SPAG16: variants seen among roughly 807,000 people sequenced by gnomAD.
SPAG16 encodes the protein sperm associated antigen 16.
SPAG16 carries 86 observed loss-of-function variants against 80.4 expected under a neutral mutation model. That is an observed-to-expected ratio of 1.07 (90% CI 0.90 to 1.28). SPAG16 has a LOEUF of 1.28. Ranked by LOEUF, SPAG16 falls within the 50% of genes most tolerant of loss-of-function variation. SPAG16 has a pLI of 0.00. For synonymous variants in SPAG16, 294 were observed against 265.9 expected (o/e 1.11, Z -1.03); for missense variants, 870 against 765.3 (o/e 1.14, Z -1.61).
intron 5 of SPAG16, among the ~76,000 whole-genome samples, chr2:213,339,621 A>C (rs2064566931): frequency 2.6e-5 from 4 of 152,174 alleles, no homozygotes; most frequent in Admixed American, 2.0e-4. Flanking sequence ...CAAGCTATGA[A>C]TTATGTAGTA....
intron 11 of SPAG16, among the ~76,000 whole-genome samples, chr2:213,915,028 T>G (rs1363613234): frequency 2.0e-5 from 3 of 152,088 alleles, no homozygotes; most frequent in African/African-American, 7.2e-5. Context: ...TCCACATGGC[T>G]GGGGAGGCCT....
intron 11 of SPAG16, among the ~76,000 whole-genome samples, chr2:213,917,405 A>G (rs2078020436): frequency 6.6e-6 from 1 of 152,174 alleles, no homozygotes; most frequent in South Asian, 2.1e-4. Context: ...CCTATCCATG[A>G]GCATGGAAGA....
intron 10 of SPAG16, among the ~76,000 whole-genome samples, chr2:213,700,543 T>TA (rs1471358453): frequency 6.6e-6 from 1 of 152,230 alleles, no homozygotes; most frequent in African/African-American, 2.4e-5. Flanking sequence ...TCTAGAATGT[T>TA]ACTTACATCT....
chr2:213,448,923 A>G (rs569815991), intron 9 of SPAG16, among the ~76,000 whole-genome samples: 65 of 152,326 alleles, frequency 4.3e-4, no homozygotes, highest in African/African-American at 1.5e-3. Context: ...ACAAGGGAAG[A>G]CAACCATAAG....
intron 13 of SPAG16, among the ~76,000 whole-genome samples, chr2:214,065,962 C>A (rs951722121): frequency 1.3e-5 from 2 of 152,180 alleles, no homozygotes; most frequent in Non-Finnish European, 2.9e-5. Context: ...AAATACTCTT[C>A]ATCTTTTTAT....
rs1027150329 is a variant in SPAG16, at chr2:213,846,331, G to A, written c.1071-16154G>A. ...ATAATGTAGTATATTATATACATGTGTATGTATATATCCCTGCTGAAATTA... is the reference window on the plus strand; with the variant it reads ...ATAATGTAGTATATTATATACATGTATATGTATATATCCCTGCTGAAATTA... On this transcript the variant is annotated intron_variant, in intron 10 of 15. Transcript: ENST00000331683. Among the ~76,000 whole-genome samples, 6 of 152,008 alleles carry A rather than the reference G, an allele frequency of 3.9e-5. No individual in the cohort carries two copies. In the East Asian group the frequency reaches 1.2e-3, roughly 29 times the overall value.
At chr2:213,365,422 T>C (rs1307123587) in intron 8 of SPAG16, 1 of 152,278 alleles carries the variant, frequency 6.6e-6, no homozygotes, top group Admixed American at 6.5e-5. Flanking sequence ...CCAAAGCAAA[T>C]TGAAGTTCTA....
intron 13 of SPAG16, among the ~76,000 whole-genome samples, chr2:214,066,110 A>T (rs1427387658): frequency 6.6e-6 from 1 of 152,158 alleles, no homozygotes; most frequent in Non-Finnish European, 1.5e-5. Context: ...TCTTCCTAGA[A>T]CATGTGTCTG....
chr2:213,468,708 C>A (rs1053197492), intron 9 of SPAG16, among the ~76,000 whole-genome samples: 30 of 146,702 alleles, frequency 2.0e-4, no homozygotes, highest in African/African-American at 7.5e-4. Context: ...ATATATATAT[C>A]TGTGTATATA....
intron 15 of SPAG16, among the ~76,000 whole-genome samples, chr2:214,248,501 T>C (rs930994388): frequency 2.0e-5 from 3 of 152,014 alleles, no homozygotes; most frequent in African/African-American, 4.8e-5. Flanking sequence ...TATTTTTTAG[T>C]AGAGACGGGA....
At chr2:213,712,377 T>C (rs2066037403) in intron 10 of SPAG16, among the ~76,000 whole-genome samples, 2 of 152,146 alleles carry the variant, frequency 1.3e-5, no homozygotes, top group African/African-American at 4.8e-5. Context: ...GGTGACAGTG[T>C]ACAAGAGTGT....
chr2:214,306,506 G>A (rs979696051), intron 15 of SPAG16, among the ~76,000 whole-genome samples: 3 of 152,216 alleles, frequency 2.0e-5, no homozygotes, highest in South Asian at 2.1e-4. Flanking sequence ...GATGTTGGCT[G>A]TGGGTGTGTA....
intron 10 of SPAG16, among the ~76,000 whole-genome samples, chr2:213,734,475 A>C (rs2067197763): frequency 6.6e-6 from 1 of 152,254 alleles, no homozygotes; most frequent in African/African-American, 2.4e-5. Flanking sequence ...TAAAACTTTT[A>C]TTATAAAATA....
chr2:214,143,234 G>GTTTTTTTTTTTTTTT (rs59910884), intron 14 of SPAG16, among the ~76,000 whole-genome samples: 1 of 112,704 alleles, frequency 8.9e-6, no homozygotes, highest in Non-Finnish European at 1.8e-5. Context: ...ATAGTTTTGG[G>GTTTTTTTTTTTTTTT]TTTTTTTTTT....
At chr2:213,291,537 T>C (rs115093595) in intron 1 of SPAG16, among the ~76,000 whole-genome samples, 2,175 of 152,334 alleles carry the variant, frequency 0.014, 25 homozygotes, top group South Asian at 0.038. Flanking sequence ...GATTTCGTTT[T>C]GAGTCTGTAG....
intron 13 of SPAG16, among the ~76,000 whole-genome samples, chr2:214,072,059 G>A (rs1357588309): frequency 6.6e-5 from 10 of 152,026 alleles, no homozygotes; most frequent in Admixed American, 5.9e-4. Flanking sequence ...TTTTTTAAAA[G>A]CATTATTTAC....
At chr2:213,461,336 T>C (rs944716600) in intron 9 of SPAG16, among the ~76,000 whole-genome samples, 8 of 152,212 alleles carry the variant, frequency 5.3e-5, no homozygotes, top group Admixed American at 3.3e-4. Flanking sequence ...GTTAGAGAGA[T>C]AGGCTTGAGT....
At chr2:213,793,825 T>G (rs2070853690) in intron 10 of SPAG16, among the ~76,000 whole-genome samples, 1 of 152,176 alleles carries the variant, frequency 6.6e-6, no homozygotes, top group Admixed American at 6.5e-5. Flanking sequence ...TATAACGTCT[T>G]AATACCTCCA....
chr2:214,027,509 T>C (rs947430479), intron 13 of SPAG16, among the ~76,000 whole-genome samples: 9 of 151,636 alleles, frequency 5.9e-5, no homozygotes, highest in Non-Finnish European at 1.5e-5. Context: ...TGAGATACAT[T>C]TATAGGTGGT....
Sources: gnomAD v4.1 joint callset for allele counts (sites outside exome capture counted in the v4.1 genomes callset) on GRCh38, gnomAD v4.1.1 for gene constraint, MANE v1.5 for transcripts, NCBI Gene and HGNC (gene_info 2026-07-23, HGNC 2026-07-21) for gene names.